The following STXBP5L variants were observed in gnomAD, a reference collection of about 807,000 sequenced individuals.
The protein encoded by STXBP5L is syntaxin-binding protein 5-like.
In STXBP5L, 65 loss-of-function variants were observed where a neutral mutation model predicts 144.5. That is an observed-to-expected ratio of 0.45 (90% confidence interval 0.37 to 0.55). The LOEUF is 0.55. STXBP5L is among the 20% of genes least tolerant of loss of function. The probability of loss-of-function intolerance (pLI) is 0.00; values close to 1 mark genes in which losing one functional copy is unlikely to be tolerated. For synonymous variants in STXBP5L, 505 were observed against 469.6 expected (o/e 1.08, Z -0.97); for missense variants, 1,298 against 1,405.5 (o/e 0.92, Z 1.22).
chr3:120,990,825 T>C (rs965678498), intron 3 of STXBP5L, among the ~76,000 whole-genome samples: 1 of 152,134 alleles, frequency 6.6e-6, no homozygotes, highest in Non-Finnish European at 1.5e-5. Flanking sequence ...ATACAAAAAT[T>C]AATTCAAGAT....
At chr3:121,031,373 T>C (rs1357096488) in intron 3 of STXBP5L, among the ~76,000 whole-genome samples, 1 of 147,980 alleles carries the variant, frequency 6.8e-6, no homozygotes, top group Non-Finnish European at 1.5e-5. Flanking sequence ...TATCTATGTA[T>C]GTGTATATAT....
At chr3:121,094,688 C>T (rs1390337796) in intron 5 of STXBP5L, among the ~76,000 whole-genome samples, 1 of 152,122 alleles carries the variant, frequency 6.6e-6, no homozygotes, top group African/African-American at 2.4e-5. Context: ...GATGGTTTTC[C>T]TGAATACAAC....
At chr3:121,027,942 C>T (rs537354901) in intron 3 of STXBP5L, among the ~76,000 whole-genome samples, 84 of 152,074 alleles carry the variant, frequency 5.5e-4, no homozygotes, top group Middle Eastern at 3.4e-3. Context: ...TTCTACTTTT[C>T]TCTATCACCA....
At chr3:121,271,448 G>A (rs112970082) in intron 18 of STXBP5L, among the ~76,000 whole-genome samples, 2,928 of 152,092 alleles carry the variant, frequency 0.019, 88 homozygotes, top group African/African-American at 0.066. Context: ...AGCTATCTTA[G>A]TCTTCTTTTA....
intron 2 of STXBP5L, among the ~76,000 whole-genome samples, chr3:120,918,174 C>T (rs1448320036): frequency 6.6e-6 from 1 of 152,174 alleles, no homozygotes; most frequent in African/African-American, 2.4e-5. Flanking sequence ...TTCCTGCCTC[C>T]CTTTTTTAAT....
intron 3 of STXBP5L, among the ~76,000 whole-genome samples, chr3:121,003,828 G>C (rs1396895079): frequency 6.6e-6 from 1 of 152,114 alleles, no homozygotes; most frequent in African/African-American, 2.4e-5. Flanking sequence ...CCCATTTCTT[G>C]TTTTTGTCAG....
chr3:120,949,807 T>A (rs1036745255), intron 2 of STXBP5L, among the ~76,000 whole-genome samples: 1 of 152,150 alleles, frequency 6.6e-6, no homozygotes, highest in Non-Finnish European at 1.5e-5. Flanking sequence ...TACCATGCTG[T>A]TTTGGTAACT....
chr3:121,257,053 T>TA (rs2050229120), intron 16 of STXBP5L, 108 bp from the exon 17 acceptor site: 1 of 866,598 alleles, frequency 1.2e-6, no homozygotes, highest in Non-Finnish European at 1.7e-6. Context: ...GAATGATTCC[T>TA]AAAAAGTTAT....
intron 14 of STXBP5L, among the ~76,000 whole-genome samples, chr3:121,246,448 G>A (rs545825340): frequency 1.9e-3 from 289 of 152,152 alleles, no homozygotes; most frequent in Non-Finnish European, 3.4e-3. Flanking sequence ...GTTTCAATAC[G>A]ATTATATTCT....
chr3:121,268,444 T>G (rs553922253), intron 18 of STXBP5L, among the ~76,000 whole-genome samples: 1 of 152,154 alleles, frequency 6.6e-6, no homozygotes, highest in South Asian at 2.1e-4. Context: ...TTAGGAGAAG[T>G]GCCTAATGTA....
At chr3:120,920,592 T>C (rs891011813) in intron 2 of STXBP5L, among the ~76,000 whole-genome samples, 4 of 151,858 alleles carry the variant, frequency 2.6e-5, no homozygotes, top group African/African-American at 7.2e-5. Flanking sequence ...ATACTAGATA[T>C]TATTTCTTGA....
intron 6 of STXBP5L, among the ~76,000 whole-genome samples, chr3:121,118,910 G>A (rs2044341596): frequency 6.6e-6 from 1 of 151,472 alleles, no homozygotes; most frequent in Admixed American, 6.6e-5. Flanking sequence ...AATTGTATGT[G>A]TTTATAAGAC....
chr3:120,985,475 CTAT>C (rs1330913176), intron 3 of STXBP5L, among the ~76,000 whole-genome samples: 1 of 151,984 alleles, frequency 6.6e-6, no homozygotes, highest in Non-Finnish European at 1.5e-5. Context: ...ATACAGTATA[CTAT>C]TATCAACTAT....
chr3:121,004,669 A>G (rs1179900258), intron 3 of STXBP5L, among the ~76,000 whole-genome samples: 1 of 152,112 alleles, frequency 6.6e-6, no homozygotes, highest in Non-Finnish European at 1.5e-5. Flanking sequence ...CCCATTTGGT[A>G]TGATATTGGC....
intron 22 of STXBP5L, among the ~76,000 whole-genome samples, chr3:121,400,897 T>TA (rs1188780667): frequency 6.6e-6 from 1 of 152,038 alleles, no homozygotes; most frequent in South Asian, 2.1e-4. Context: ...TTATGAATAA[T>TA]AAAAAAAGTT....
intron 9 of STXBP5L, among the ~76,000 whole-genome samples, chr3:121,189,933 C>T (rs745431726): frequency 6.6e-6 from 1 of 152,284 alleles, no homozygotes; most frequent in South Asian, 2.1e-4. Context: ...CTGTTCCTCT[C>T]TTTCATAGAA....
chr3:121,390,136 T>C (rs904888313), intron 22 of STXBP5L, among the ~76,000 whole-genome samples: 1 of 152,236 alleles, frequency 6.6e-6, no homozygotes, highest in African/African-American at 2.4e-5. Flanking sequence ...TTTACCATTA[T>C]GTAATGGCCT....
intron 5 of STXBP5L, among the ~76,000 whole-genome samples, chr3:121,094,467 G>A (rs2043004579): frequency 1.3e-5 from 2 of 152,014 alleles, no homozygotes; most frequent in South Asian, 4.1e-4. Flanking sequence ...TGTATTGGGT[G>A]CATATATATT....
At chr3:121,110,051 TA>T (rs1428779860) in intron 5 of STXBP5L, among the ~76,000 whole-genome samples, 39 of 152,076 alleles carry the variant, frequency 2.6e-4, no homozygotes, top group Non-Finnish European at 5.9e-5. Flanking sequence ...TTCTGCTTTT[TA>T]TTTGCTGGTA....
Sources: allele counts gnomAD v4.1 joint callset (sites outside exome capture counted in the v4.1 genomes callset), GRCh38; gene constraint gnomAD v4.1.1; transcripts MANE v1.5; gene names NCBI Gene and HGNC (gene_info 2026-07-23, HGNC 2026-07-21).